The following IQCJ variants were observed in gnomAD, a reference collection of about 807,000 sequenced individuals.
IQCJ encodes the protein IQ motif containing J.
IQCJ carries 9 observed loss-of-function variants against 11.0 expected under a neutral mutation model. The ratio of observed to expected loss-of-function variants is 0.82; its 90% CI spans 0.49 to 1.43. IQCJ has a LOEUF of 1.43. Ranked by LOEUF, IQCJ falls within the 40% of genes most tolerant of loss-of-function variation. The pLI, the probability that IQCJ is intolerant of heterozygous loss-of-function variation, is 0.00. For synonymous variants in IQCJ, 55 were observed against 51.3 expected, an observed-to-expected ratio of 1.07 and a Z score of -0.31; for missense variants, 146 against 133.2, an observed-to-expected ratio of 1.10 and a Z score of -0.47.
intron 1 of IQCJ, among the ~76,000 whole-genome samples, chr3:159,241,734 G>A (rs2108183386): frequency 6.6e-6 from 1 of 152,298 alleles, no homozygotes; most frequent in East Asian, 1.9e-4. Flanking sequence ...AACATTGGTT[G>A]AGCAACTACT....
intron 1 of IQCJ, among the ~76,000 whole-genome samples, chr3:159,192,233 A>G (rs1367011456): frequency 6.6e-6 from 1 of 152,174 alleles, no homozygotes; most frequent in Non-Finnish European, 1.5e-5. Flanking sequence ...AATGTTATTG[A>G]TAATTTATGT....
intron 3 of IQCJ, among the ~76,000 whole-genome samples, chr3:159,253,858 T>A (rs1401530301): frequency 1.3e-5 from 2 of 152,188 alleles, no homozygotes; most frequent in Non-Finnish European, 1.5e-5. Context: ...CACAAATACA[T>A]AATATCCTGC....
At chr3:159,207,809 C>A (rs971585050) in intron 1 of IQCJ, among the ~76,000 whole-genome samples, 3 of 152,116 alleles carry the variant, frequency 2.0e-5, no homozygotes, top group African/African-American at 7.2e-5. Flanking sequence ...GGGGTAATAA[C>A]GAACTTTATC....
At chr3:159,250,119 G>A (rs1727508989) in intron 2 of IQCJ, among the ~76,000 whole-genome samples, 1 of 152,188 alleles carries the variant, frequency 6.6e-6, no homozygotes, top group Admixed American at 6.6e-5. Context: ...GTGATTGCAA[G>A]TCACACATTG....
intron 1 of IQCJ, among the ~76,000 whole-genome samples, chr3:159,095,150 T>C (rs1172594311): frequency 6.6e-6 from 1 of 151,902 alleles, no homozygotes; most frequent in Non-Finnish European, 1.5e-5. Flanking sequence ...CAATTCTTAC[T>C]CTAAAATACC....
At chr3:159,197,614 A>G (rs1312328436) in intron 1 of IQCJ, among the ~76,000 whole-genome samples, 1 of 152,178 alleles carries the variant, frequency 6.6e-6, no homozygotes, top group Non-Finnish European at 1.5e-5. Context: ...CTATGCAAAT[A>G]AAAAGTCTAG....
intron 3 of IQCJ, among the ~76,000 whole-genome samples, chr3:159,260,027 G>C (rs148154767): frequency 6.6e-6 from 1 of 152,122 alleles, no homozygotes; most frequent in East Asian, 1.9e-4. Context: ...TATTTTAAAA[G>C]TACTTAATAT....
intron 1 of IQCJ, among the ~76,000 whole-genome samples, chr3:159,093,786 A>G (rs1717517429): frequency 6.6e-6 from 1 of 151,866 alleles, no homozygotes; most frequent in Admixed American, 6.5e-5. Context: ...GCAGCAGGAG[A>G]GAGAAGTGCA....
chr3:159,235,740 C>T (rs968145776), intron 1 of IQCJ, among the ~76,000 whole-genome samples: 2 of 152,110 alleles, frequency 1.3e-5, no homozygotes, highest in African/African-American at 2.4e-5. Flanking sequence ...CGACTTAGAT[C>T]GGGTGTTTGA....
chr3:159,148,858 A>T (rs1436057745), intron 1 of IQCJ, among the ~76,000 whole-genome samples: 1 of 152,214 alleles, frequency 6.6e-6, no homozygotes, highest in Non-Finnish European at 1.5e-5. Context: ...GGAAAATTCA[A>T]ATGTGCCGCA....
chr3:159,168,502 A>G (rs1416315950), intron 1 of IQCJ, among the ~76,000 whole-genome samples: 1 of 152,180 alleles, frequency 6.6e-6, no homozygotes, highest in Admixed American at 6.5e-5. Context: ...CATAACCACT[A>G]CAATTAAGTG....
intron 1 of IQCJ, among the ~76,000 whole-genome samples, chr3:159,159,547 A>G (rs1350019501): frequency 2.0e-5 from 3 of 152,216 alleles, no homozygotes; most frequent in Non-Finnish European, 4.4e-5. Flanking sequence ...GTTGTGCTTT[A>G]AAAGTATTTT....
intron 1 of IQCJ, among the ~76,000 whole-genome samples, chr3:159,072,247 G>A (rs1260942758): frequency 6.6e-6 from 1 of 152,168 alleles, no homozygotes; most frequent in African/African-American, 2.4e-5. Context: ...CAATAGAGAA[G>A]AACAATCACA....
intron 1 of IQCJ, among the ~76,000 whole-genome samples, chr3:159,078,734 G>A (rs535944034): frequency 3.9e-5 from 6 of 152,132 alleles, no homozygotes; most frequent in Admixed American, 3.9e-4. Context: ...TAATTTAATT[G>A]GTTAAGGAAC....
intron 1 of IQCJ, among the ~76,000 whole-genome samples, chr3:159,224,264 T>C (rs952307735): frequency 1.3e-5 from 2 of 152,084 alleles, no homozygotes; most frequent in Non-Finnish European, 2.9e-5. Context: ...GTTATAGTAA[T>C]AGGAGAAATA....
At chr3:159,209,588 C>T (rs1300956908) in intron 1 of IQCJ, among the ~76,000 whole-genome samples, 3 of 152,174 alleles carry the variant, frequency 2.0e-5, no homozygotes, top group African/African-American at 4.8e-5. Flanking sequence ...TTGTAACACA[C>T]GTCCTCTGGG....
intron 1 of IQCJ, among the ~76,000 whole-genome samples, chr3:159,222,403 T>C (rs1725603590): frequency 1.3e-5 from 2 of 152,196 alleles, no homozygotes; most frequent in African/African-American, 4.8e-5. Context: ...GAGGATATCA[T>C]GCTAAGTGAA....
intron 1 of IQCJ, among the ~76,000 whole-genome samples, chr3:159,236,767 A>G (rs957402967): frequency 6.6e-6 from 1 of 152,198 alleles, no homozygotes; most frequent in Non-Finnish European, 1.5e-5. Flanking sequence ...AGTTAAAATT[A>G]CTATAGATTT....
chr3:159,182,158 C>G (rs1346088081), intron 1 of IQCJ, among the ~76,000 whole-genome samples: 2 of 151,832 alleles, frequency 1.3e-5, no homozygotes, highest in Non-Finnish European at 2.9e-5. Context: ...TCTCTCCCTA[C>G]TTCTTGGCTT....
Sources: allele counts gnomAD v4.1 joint callset (sites outside exome capture counted in the v4.1 genomes callset), GRCh38; gene constraint gnomAD v4.1.1; transcripts MANE v1.5; gene names NCBI Gene and HGNC (gene_info 2026-07-23, HGNC 2026-07-21).